The following IGFL2 variants were observed in gnomAD, a reference collection of about 807,000 sequenced individuals.
IGFL2 encodes IGF like family member 2.
A neutral mutation model predicts 13.9 loss-of-function variants in IGFL2; 7 were observed. The ratio of observed to expected loss-of-function variants is 0.51; its 90% CI spans 0.29 to 0.95. IGFL2 has a LOEUF of 0.95. Among genes scored for constraint, IGFL2 ranks in the 40% least tolerant of loss-of-function variants. The pLI, the probability that IGFL2 is intolerant of heterozygous loss-of-function variation, is 0.08. For synonymous variants in IGFL2, 55 were observed against 55.8 expected, an observed-to-expected ratio of 0.99 and a Z score of 0.07; for missense variants, 138 against 147.8, an observed-to-expected ratio of 0.93 and a Z score of 0.34.
the IGFL2 span, among the ~76,000 whole-genome samples, chr19:46,184,308 T>C: frequency 6.6e-6 from 1 of 152,142 alleles, no homozygotes; most frequent in Non-Finnish European, 1.5e-5. Context: ...CTGAGGTACA[T>C]GTGCAGAATG....
the IGFL2 span, among the ~76,000 whole-genome samples, chr19:46,092,383 C>T: frequency 6.6e-6 from 1 of 151,904 alleles, no homozygotes; most frequent in Non-Finnish European, 1.5e-5. Context: ...GTAATCCCAG[C>T]ACGTTGGGAG....
At chr19:46,139,240 C>T (rs1370999929), upstream of IGFL2, among the ~76,000 whole-genome samples, 2 of 151,354 alleles carry the variant, frequency 1.3e-5, no homozygotes, top group Admixed American at 1.3e-4. Flanking sequence ...CGAAGATCTG[C>T]TTGGTGTATG....
chr19:46,162,850 G>A (rs987933856), downstream of IGFL2, among the ~76,000 whole-genome samples: 15 of 152,186 alleles, frequency 9.9e-5, no homozygotes, highest in East Asian at 1.9e-4. Flanking sequence ...TAGTGTGGTC[G>A]TTTGGAGGAC....
chr19:46,140,492 A>G (rs1443968273), upstream of IGFL2, among the ~76,000 whole-genome samples: 1 of 152,164 alleles, frequency 6.6e-6, no homozygotes, highest in Non-Finnish European at 1.5e-5. Flanking sequence ...AACGTAGGCA[A>G]CATAGCGAGA....
the IGFL2 span, among the ~76,000 whole-genome samples, chr19:46,080,449 A>G: frequency 6.6e-6 from 1 of 152,252 alleles, no homozygotes; most frequent in Non-Finnish European, 1.5e-5. Context: ...ACAGCTACTT[A>G]GTAATTAAAT....
chr19:46,119,460 G>C, the IGFL2 span, among the ~76,000 whole-genome samples: 1 of 152,148 alleles, frequency 6.6e-6, no homozygotes, highest in African/African-American at 2.4e-5. Flanking sequence ...CCAAGAATCA[G>C]CCCCTAGAAC....
At chr19:46,120,420 C>T in the IGFL2 span, 2 of 1,603,512 alleles carry the variant, frequency 1.2e-6, 1 homozygote, top group African/African-American at 2.7e-5. Flanking sequence ...AAATTATCCC[C>T]TACAAAAGCA....
the IGFL2 span, among the ~76,000 whole-genome samples, chr19:46,194,850 ATATTTTTTTTTTTTTTT>A: frequency 5.6e-5 from 2 of 35,622 alleles, no homozygotes; most frequent in East Asian, 1.4e-3. Flanking sequence ...ATATATATAT[ATATTTTTTTTTTTTTTT>A]TTTTTTTTTT....
chr19:46,079,163 GC>G, the IGFL2 span, among the ~76,000 whole-genome samples: 1 of 152,276 alleles, frequency 6.6e-6, no homozygotes. Flanking sequence ...GGGTGAGGCG[GC>G]TTTGGCCGCC....
chr19:46,156,006 AG>A (rs1331799215), intron 1 of IGFL2, among the ~76,000 whole-genome samples: 1 of 152,166 alleles, frequency 6.6e-6, no homozygotes, highest in African/African-American at 2.4e-5. Context: ...GTATAGAGTC[AG>A]GGTGTCACTG....
chr19:46,180,420 G>A, the IGFL2 span, among the ~76,000 whole-genome samples: 1 of 152,078 alleles, frequency 6.6e-6, no homozygotes, highest in Admixed American at 6.5e-5. Flanking sequence ...CTTGTGATCC[G>A]CCTGCCTTGG....
the IGFL2 span, among the ~76,000 whole-genome samples, chr19:46,097,553 G>A: frequency 6.6e-6 from 1 of 151,986 alleles, no homozygotes; most frequent in African/African-American, 2.4e-5. Flanking sequence ...TGTTCTGTTA[G>A]CTTTGGGATT....
chr19:46,143,559 C>T (rs1201568795), upstream of IGFL2, among the ~76,000 whole-genome samples: 1 of 152,040 alleles, frequency 6.6e-6, no homozygotes. Flanking sequence ...AGCCACCAGG[C>T]CCAGCCAGTA....
the IGFL2 span, among the ~76,000 whole-genome samples, chr19:46,100,439 G>C: frequency 1.3e-5 from 2 of 152,290 alleles, no homozygotes; most frequent in Admixed American, 1.3e-4. Flanking sequence ...ATATTGAGAA[G>C]TATACAGTTT....
chr19:46,182,509 G>C, the IGFL2 span, among the ~76,000 whole-genome samples: 10 of 151,930 alleles, frequency 6.6e-5, no homozygotes, highest in East Asian at 1.9e-3. Context: ...GAAAACTTGA[G>C]CCAAGTACAA....
the IGFL2 span, chr19:46,212,638 C>T: frequency 7.0e-6 from 1 of 143,172 alleles, no homozygotes; most frequent in African/African-American, 2.6e-5. Flanking sequence ...TTCTCCACCA[C>T]CAGAACTTCA....
chr19:46,212,340 GAT>G, the IGFL2 span: 2 of 152,250 alleles, frequency 1.3e-5, no homozygotes, highest in African/African-American at 4.8e-5. Context: ...TCCCCAGAAA[GAT>G]ACAGGATCTT....
At chr19:46,133,129 C>G in the IGFL2 span, among the ~76,000 whole-genome samples, 1 of 152,070 alleles carries the variant, frequency 6.6e-6, no homozygotes, top group Non-Finnish European at 1.5e-5. Context: ...GCTTGTCAGC[C>G]GTGAAGGGAT....
At chr19:46,166,527 C>T in the IGFL2 span, among the ~76,000 whole-genome samples, 24 of 152,200 alleles carry the variant, frequency 1.6e-4, no homozygotes, top group Non-Finnish European at 5.9e-5. Flanking sequence ...TCATTGATAA[C>T]ATCTTATCAG....
Sources: allele counts gnomAD v4.1 joint callset (sites outside exome capture counted in the v4.1 genomes callset), GRCh38; gene constraint gnomAD v4.1.1; transcripts MANE v1.5; gene names NCBI Gene and HGNC (gene_info 2026-07-23, HGNC 2026-07-21).